Variants in RNF213 observed in about 807,000 individuals in gnomAD.
RNF213 encodes the protein ring finger protein 213, also known as E3 ubiquitin-protein ligase RNF213.
RNF213 carries 341 observed loss-of-function variants against 514.4 expected under a neutral mutation model. That is an observed-to-expected ratio of 0.66 (90% CI 0.61 to 0.73). The LOEUF (loss-of-function observed/expected upper bound fraction) is 0.73. Ranked by LOEUF, RNF213 falls within the 30% of genes least tolerant of loss-of-function variation. The probability of loss-of-function intolerance (pLI) is 0.00; values close to 1 mark genes in which losing one functional copy is unlikely to be tolerated. For synonymous variants in RNF213, 2,655 were observed against 2,658.2 expected, an observed-to-expected ratio of 1.00 and a Z score of 0.04; for missense variants, 5,767 against 6,615.6, an observed-to-expected ratio of 0.87 and a Z score of 4.45.
intron 11 of RNF213, among the ~76,000 whole-genome samples, chr17:80,303,401 C>G (rs1240403868): frequency 6.6e-6 from 1 of 152,118 alleles, no homozygotes; most frequent in African/African-American, 2.4e-5. Flanking sequence ...GCATGATGCT[C>G]AGAGCCTGCC....
intron 20 of RNF213, among the ~76,000 whole-genome samples, chr17:80,331,066 G>A (rs1599037530): frequency 6.6e-6 from 1 of 152,036 alleles, no homozygotes; most frequent in South Asian, 2.1e-4. Flanking sequence ...TGATCCATCC[G>A]CCTCAGCCTC....
intron 47 of RNF213, 110 bp from the exon 48 acceptor site, chr17:80,372,411 A>G (rs2079551693): frequency 3.8e-6 from 3 of 791,842 alleles, no homozygotes; most frequent in Non-Finnish European, 6.4e-6. Context: ...AACCTACAGT[A>G]ACATTCTTCT....
chr17:80,380,106 A>T (rs1021576912), intron 55 of RNF213, among the ~76,000 whole-genome samples: 2 of 152,214 alleles, frequency 1.3e-5, no homozygotes, highest in Non-Finnish European at 2.9e-5. Flanking sequence ...CTCACTTGCC[A>T]GCAATCTTAG....
Position 80,288,529 on chromosome 17 carries a change from C to T in RNF213, c.811-104C>T. 2 of 1,609,470 alleles carry T rather than the reference C, an allele frequency of 1.2e-6. No homozygotes were observed. Among genetic ancestry groups the T allele is most frequent in the African/African-American group, 2.7e-5 (2 of 74,990 alleles). On this transcript the variant is annotated intron_variant, in intron 4 of 67. Coordinates refer to ENST00000582970, the MANE Select transcript of RNF213 (RefSeq NM_001256071.3). The surrounding 1 kb of genome is among the most constrained non-coding windows in gnomAD (Gnocchi z 4.9). Reference sequence around the variant, plus strand: ...TGCCCCTCCACTGGGGATGCCAGCCCACCCTGTCCCTCGGCTTGTGGCAGA... The same window carrying T: ...TGCCCCTCCACTGGGGATGCCAGCCTACCCTGTCCCTCGGCTTGTGGCAGA...
intron 18 of RNF213, among the ~76,000 whole-genome samples, chr17:80,325,827 A>G (rs936961952): frequency 4.6e-5 from 7 of 152,198 alleles, no homozygotes; most frequent in African/African-American, 1.2e-4. Flanking sequence ...GCCAAAATCA[A>G]TGCTGAGCTT....
Position 80,373,064 on chromosome 17 carries a change from C to T in RNF213, c.12841C>T (p.Arg4281Trp), listed in dbSNP as rs765980348. 1.7e-5 allele frequency: 27 copies of T among 1,613,874 alleles called. No individual in the cohort carries two copies. Among genetic ancestry groups the T allele is most frequent in the South Asian group, 1.4e-4 (13 of 91,082 alleles). ...ENDWHRVYLV[R>W]KLSSQRGMEF... Reference sequence around the variant, plus strand: ...CGACTGGCACCGGGTGTACCTGGTGCGGAAGCTCAGCAGCCAGCGGGGGAT... The same window carrying T: ...CGACTGGCACCGGGTGTACCTGGTGTGGAAGCTCAGCAGCCAGCGGGGGAT... Residue 4281 changes from arginine to tryptophan, a missense_variant, in exon 49 of 68, where the codon CGG (arginine) becomes TGG (tryptophan). Coordinates refer to ENST00000582970, the MANE Select transcript of RNF213 (RefSeq NM_001256071.3).
intron 67 of RNF213, among the ~76,000 whole-genome samples, chr17:80,390,481 C>G (rs2080422012): frequency 6.7e-6 from 1 of 148,982 alleles, no homozygotes; most frequent in African/African-American, 2.6e-5. Flanking sequence ...ACTGCAACCT[C>G]TGCCTCCCAG....
rs375499861 is a variant in RNF213 at position 80,383,839 on chromosome 17, A to G, written c.14233A>G (p.Lys4745Glu). 13 of 1,614,044 alleles carry G rather than the reference A, an allele frequency of 8.1e-6. No individual in the cohort carries two copies. The highest frequency in any genetic ancestry group is 1.0e-5 in the Non-Finnish European group (12 of 1,180,032). Residue 4745 changes from lysine to glutamate, a missense_variant, in exon 59 of 68, where the codon AAA becomes GAA. Lys to Glu is a moderately conservative substitution (Grantham distance 56). Transcript: ENST00000582970. ...VHCSKIWSCRKRITVEYLQHI... is the reference protein window; with the variant it reads ...VHCSKIWSCRERITVEYLQHI... Reference sequence around the variant, plus strand: ...TTGCTCTAAGATTTGGAGCTGCAGGAAAAGAATTACAGTTGAGTACCTCCA... The same window carrying G: ...TTGCTCTAAGATTTGGAGCTGCAGGGAAAGAATTACAGTTGAGTACCTCCA...
chr17:80,307,867 T>G (rs2045426432), intron 13 of RNF213, among the ~76,000 whole-genome samples: 1 of 151,694 alleles, frequency 6.6e-6, no homozygotes. Context: ...TTTTTTTTTT[T>G]TTTTTTTTTA....
At chr17:80,378,177 A>C (rs1374920098) in intron 54 of RNF213, among the ~76,000 whole-genome samples, 2 of 152,222 alleles carry the variant, frequency 1.3e-5, no homozygotes, top group Non-Finnish European at 2.9e-5. Context: ...GCTGCTAGCC[A>C]TTCTTTCTAG....
Position 80,375,652 on chromosome 17 carries a change from G to A in RNF213, c.13075-108G>A, listed in dbSNP as rs150477925. On this transcript the variant is annotated intron_variant, in intron 50 of 67. Coordinates refer to ENST00000582970, the MANE Select transcript of RNF213 (RefSeq NM_001256071.3). ...CGAGAGGCAGAGGTTGCAGTGAGCC[G>A]AGATCATGCCACTGCACTCCAGCCT... The A allele has an allele frequency of 5.3e-3, 4,132 of 777,162 alleles. 20 individuals carry two copies. The highest frequency in any genetic ancestry group is 7.8e-3 in the Non-Finnish European group (3,440 of 438,414). The allele number at this position is 777,162 out of a possible 1,614,324, so 48.1% of individuals were successfully genotyped here.
At chr17:80,274,138 G>A (rs563050182) in intron 3 of RNF213, among the ~76,000 whole-genome samples, 1 of 152,286 alleles carries the variant, frequency 6.6e-6, no homozygotes, top group African/African-American at 2.4e-5. Flanking sequence ...CCTCTGCATT[G>A]AGGGTGCGTG....
rs75304542 is a variant in RNF213 at position 80,328,008 on chromosome 17, C to T, written c.3367+19C>T. The stretch of plus-strand genomic sequence containing the variant: ...CAACTGAGTAAGCATCGAGTCGATA[C>T]GCACTTCAGGCTCCTGAGGCATTAA... On this transcript the variant is annotated intron_variant, in intron 19 of 67. Coordinates refer to ENST00000582970, the MANE Select transcript of RNF213 (RefSeq NM_001256071.3). The T allele has an allele frequency of 1.5e-3, 2,292 of 1,536,966 alleles. 34 individuals are homozygous for T. The African/African-American group carries it at 0.027, about 18-fold the overall frequency.
chr17:80,329,894 C>T (rs1481402337), intron 20 of RNF213, among the ~76,000 whole-genome samples: 1 of 152,200 alleles, frequency 6.6e-6, no homozygotes, highest in African/African-American at 2.4e-5. Context: ...CAACTCTAGA[C>T]ATCAAAATCC....
intron 61 of RNF213, 41 bp downstream of exon 61, chr17:80,385,662 A>AGCCTCGTCTGAAAGCTC (rs1237942817): frequency 1.3e-6 from 2 of 1,553,604 alleles, no homozygotes; most frequent in Admixed American, 1.7e-5. Context: ...GTTCCAGGAG[A>AGCCTCGTCTGAAAGCTC]GCCTCGTCTG....
chr17:80,385,115 A>C lies in RNF213; in HGVS notation c.14399A>C (p.Asn4800Thr), dbSNP rs769331499. 3.7e-6 allele frequency: 6 copies of C among 1,614,178 alleles called. No individual in the cohort carries two copies. In the Admixed American group the frequency reaches 5.0e-5, roughly 13 times the overall value. ...LQRDLVKQFQ[N>T]VQQVEYSSIR... ...AGGGATCTAGTGAAGCAGTTCCAGA[A>C]CGTCCAGCAAGTTGAATACAGCTCC... is the stretch of plus-strand genomic sequence containing the variant. The change falls in exon 60 of 68, where the codon AAC becomes ACC. Residue 4800 changes from asparagine to threonine, a missense_variant. Asn to Thr is a moderately conservative substitution (Grantham distance 65, BLOSUM62 0). Coordinates refer to ENST00000582970, the MANE Select transcript of RNF213 (RefSeq NM_001256071.3).
chr17:80,367,781 G>A lies in RNF213; in HGVS notation c.11905G>A (p.Gly3969Arg), dbSNP rs372016811. The change falls in exon 43 of 68, where the codon GGG becomes AGG. Residue 3969 changes from glycine to arginine, a missense_variant. Gly to Arg is a moderately radical substitution (Grantham distance 125, BLOSUM62 -2). This residue lies in a region of RNF213 where 355 missense variants were observed against 358.0 expected (regional missense o/e 0.99). Coordinates refer to ENST00000582970, the MANE Select transcript of RNF213 (RefSeq NM_001256071.3). The stretch of plus-strand genomic sequence containing the variant: ...AGAGAACTCTGACGTGAAGACGCAC[G>A]GGCCTTTTGAGGCCGTGATGCGCAC... ...LRENSDVKTH[G>R]PFEAVMRTLC... is the part of the protein sequence containing the mutation. The A allele has an allele frequency of 7.9e-5, 128 of 1,614,094 alleles. No individual in the cohort carries two copies. The highest frequency in any genetic ancestry group is 1.0e-4 in the Non-Finnish European group (120 of 1,180,034).
At chr17:80,367,870 T>C (rs2144458989) in intron 43 of RNF213, 22 bp downstream of exon 43, 1 of 1,613,836 alleles carries the variant, frequency 6.2e-7, no homozygotes, top group Admixed American at 1.7e-5. Flanking sequence ...GGTTTGGATC[T>C]GTGAAGGCGA....
chr17:80,379,864 C>G, intron 55 of RNF213, 150 bp downstream of exon 55: 1 of 711,946 alleles, frequency 1.4e-6, no homozygotes, highest in South Asian at 1.5e-5. Flanking sequence ...GCCAAAGTCC[C>G]AGCAGTCACA....
Sources: allele counts gnomAD v4.1 joint callset (sites outside exome capture counted in the v4.1 genomes callset), GRCh38; gene constraint gnomAD v4.1.1; regional missense constraint gnomAD v4.1.1; non-coding constraint Gnocchi (gnomAD v3.1); transcripts MANE v1.5; gene names NCBI Gene and HGNC (gene_info 2026-07-23, HGNC 2026-07-21).